The following DTNB variants were observed in gnomAD, a reference collection of about 807,000 sequenced individuals.
The protein encoded by DTNB is DTN-B.
DTNB carries 63 observed loss-of-function variants against 90.7 expected under a neutral mutation model. That is an observed-to-expected ratio of 0.69 (90% CI 0.57 to 0.86). DTNB has a LOEUF of 0.86. Among genes scored for constraint, DTNB ranks in the 40% least tolerant of loss-of-function variants. DTNB has a pLI of 0.00. For missense variants in DTNB, 744 were observed against 807.1 expected (o/e 0.92, Z 0.95); for synonymous variants, 277 against 286.7 (o/e 0.97, Z 0.34).
intron 12 of DTNB, among the ~76,000 whole-genome samples, chr2:25,447,757 C>T (rs750898510): frequency 1.3e-5 from 2 of 152,074 alleles, no homozygotes; most frequent in Non-Finnish European, 2.9e-5. Context: ...GATCCACCCA[C>T]CTCGGCCTCC....
At chr2:25,558,944 G>C (rs548676961) in intron 8 of DTNB, among the ~76,000 whole-genome samples, 1 of 152,114 alleles carries the variant, frequency 6.6e-6, no homozygotes, top group African/African-American at 2.4e-5. Context: ...TCGAATGGGA[G>C]AGTTTCAGAG....
chr2:25,407,509 A>T (rs937893794), intron 16 of DTNB, among the ~76,000 whole-genome samples: 1 of 152,236 alleles, frequency 6.6e-6, no homozygotes, highest in Non-Finnish European at 1.5e-5. Flanking sequence ...CTGCAAAGAT[A>T]CAGAACCAAC....
chr2:25,528,487 C>A (rs2077568764), intron 9 of DTNB, among the ~76,000 whole-genome samples: 1 of 152,092 alleles, frequency 6.6e-6, no homozygotes. Flanking sequence ...AGACACAAAG[C>A]AGTCATTATT....
intron 4 of DTNB, among the ~76,000 whole-genome samples, chr2:25,619,028 C>T (rs1348597100): frequency 6.6e-6 from 1 of 152,110 alleles, no homozygotes; most frequent in East Asian, 1.9e-4. Flanking sequence ...GATGGGAAAT[C>T]ATTCGTTTCA....
chr2:25,425,298 CCACCACCAA>C (rs1256990915), intron 15 of DTNB, among the ~76,000 whole-genome samples: 1 of 152,154 alleles, frequency 6.6e-6, no homozygotes, highest in Non-Finnish European at 1.5e-5. Flanking sequence ...ACAACCACCA[CCACCACCAA>C]CACCACCAAC....
chr2:25,652,532 TAAA>T (rs137982132), intron 2 of DTNB, 59 bp downstream of exon 2: 457 of 1,270,438 alleles, frequency 3.6e-4, no homozygotes, highest in South Asian at 1.1e-3. Flanking sequence ...TGACTTGATC[TAAA>T]AAAAAAAAAA....
intron 8 of DTNB, among the ~76,000 whole-genome samples, chr2:25,548,969 C>T (rs1324964483): frequency 6.6e-6 from 1 of 152,192 alleles, no homozygotes; most frequent in Non-Finnish European, 1.5e-5. Context: ...GACACCAATT[C>T]TTGACAAATT....
At chr2:25,431,036 G>A (rs1037377622) in intron 14 of DTNB, among the ~76,000 whole-genome samples, 2 of 152,140 alleles carry the variant, frequency 1.3e-5, no homozygotes, top group African/African-American at 4.8e-5. Context: ...ATCAAAACCA[G>A]ACAGATGTCA....
intron 8 of DTNB, among the ~76,000 whole-genome samples, chr2:25,549,116 C>G (rs1572422349): frequency 6.6e-6 from 1 of 151,992 alleles, no homozygotes; most frequent in African/African-American, 2.4e-5. Context: ...TCTAACATAG[C>G]ACCTAAGTGG....
At chr2:25,433,800 A>C in intron 13 of DTNB, 110 bp downstream of exon 13, 1 of 1,247,992 alleles carries the variant, frequency 8.0e-7, no homozygotes, top group South Asian at 1.3e-5. Flanking sequence ...TCACTGAGGC[A>C]AGGTCTTCCT....
intron 4 of DTNB, among the ~76,000 whole-genome samples, chr2:25,624,500 A>G (rs181807300): frequency 1.3e-5 from 2 of 152,342 alleles, no homozygotes; most frequent in Admixed American, 1.3e-4. Flanking sequence ...AAGCCGCGCA[A>G]AGAAATAAAG....
chr2:25,550,214 AC>A, intron 8 of DTNB, among the ~76,000 whole-genome samples: 1 of 151,796 alleles, frequency 6.6e-6, no homozygotes, highest in East Asian at 2.0e-4. Context: ...ACACGGTGAA[AC>A]CCCGTGTCTA....
intron 8 of DTNB, among the ~76,000 whole-genome samples, chr2:25,538,714 A>C (rs1488194757): frequency 2.6e-5 from 4 of 152,100 alleles, no homozygotes; most frequent in African/African-American, 9.7e-5. Flanking sequence ...AGCCTCCCAA[A>C]GTGCTGGGAT....
chr2:25,606,641 T>C (rs1377782), intron 5 of DTNB, among the ~76,000 whole-genome samples: 40,961 of 152,112 alleles, frequency 0.27, 6,302 homozygotes, highest in Non-Finnish European at 0.36. Context: ...ATTAAATAGT[T>C]GTGAATTTCA....
intron 3 of DTNB, among the ~76,000 whole-genome samples, chr2:25,638,690 T>C (rs2077592707): frequency 6.6e-6 from 1 of 152,230 alleles, no homozygotes; most frequent in Non-Finnish European, 1.5e-5. Flanking sequence ...ACATTGTTTT[T>C]CTTTTCCTCC....
intron 4 of DTNB, among the ~76,000 whole-genome samples, chr2:25,608,680 ACTTT>A (rs2067693557): frequency 6.6e-6 from 1 of 152,174 alleles, no homozygotes. Flanking sequence ...TTTACAGTGG[ACTTT>A]CTTTTTTGAC....
At chr2:25,503,729 A>G (rs1182844744) in intron 9 of DTNB, among the ~76,000 whole-genome samples, 1 of 151,726 alleles carries the variant, frequency 6.6e-6, no homozygotes, top group South Asian at 2.1e-4. Context: ...CCTGGCTAAC[A>G]CGGTGAAACC....
intron 6 of DTNB, among the ~76,000 whole-genome samples, chr2:25,593,965 G>A (rs776458943): frequency 5.9e-5 from 9 of 152,126 alleles, no homozygotes; most frequent in Non-Finnish European, 1.2e-4. Flanking sequence ...CATCTTGTGT[G>A]AAAAGCCATG....
At chr2:25,490,433 A>G (rs1214389935) in intron 9 of DTNB, among the ~76,000 whole-genome samples, 1 of 152,172 alleles carries the variant, frequency 6.6e-6, no homozygotes. Context: ...ATTTCTAGAA[A>G]GTGATTTGGC....
Sources: gnomAD v4.1 joint callset for allele counts (sites outside exome capture counted in the v4.1 genomes callset) on GRCh38, gnomAD v4.1.1 for gene constraint, MANE v1.5 for transcripts, NCBI Gene and HGNC (gene_info 2026-07-23, HGNC 2026-07-21) for gene names.